Variants in SCFD2 observed in about 807,000 individuals in gnomAD.
SCFD2 encodes the protein sec1 family domain-containing protein 2.
A neutral mutation model predicts 58.9 loss-of-function variants in SCFD2; 54 were observed. The observed-to-expected ratio is 0.92, with a 90% confidence interval of 0.74 to 1.15. SCFD2 has a LOEUF of 1.15. Among genes scored for constraint, SCFD2 ranks in the 50% most tolerant of loss-of-function variants. SCFD2 has a pLI of 0.00. For synonymous variants in SCFD2, 321 were observed against 335.9 expected, an observed-to-expected ratio of 0.96 and a Z score of 0.49; for missense variants, 805 against 836.6, an observed-to-expected ratio of 0.96 and a Z score of 0.47.
At chr4:53,126,873 A>G (rs1560347361) in intron 5 of SCFD2, among the ~76,000 whole-genome samples, 3 of 151,506 alleles carry the variant, frequency 2.0e-5, no homozygotes, top group African/African-American at 4.8e-5. Flanking sequence ...ATCAGGTTGG[A>G]AAAAAAAACC....
intron 7 of SCFD2, among the ~76,000 whole-genome samples, chr4:52,892,077 G>A (rs1013461401): frequency 6.6e-6 from 1 of 152,358 alleles, no homozygotes; most frequent in Admixed American, 6.5e-5. Flanking sequence ...CTATAAGGCT[G>A]TCTCTCAGGC....
chr4:53,269,124 A>G (rs1316504470), intron 4 of SCFD2, among the ~76,000 whole-genome samples: 1 of 152,110 alleles, frequency 6.6e-6, no homozygotes, highest in Non-Finnish European at 1.5e-5. Flanking sequence ...GTTTGAGACC[A>G]GCCTGGGCAA....
chr4:53,238,140 C>T (rs1444885326), intron 4 of SCFD2, among the ~76,000 whole-genome samples: 3 of 134,902 alleles, frequency 2.2e-5, no homozygotes, highest in Admixed American at 1.4e-4. Flanking sequence ...GGCAGAGGTG[C>T]CCCTCACCTC....
intron 4 of SCFD2, among the ~76,000 whole-genome samples, chr4:53,249,489 C>G (rs1730265138): frequency 2.0e-5 from 3 of 152,076 alleles, no homozygotes; most frequent in Admixed American, 2.0e-4. Flanking sequence ...AGAGCAACTC[C>G]AAGACACATA....
intron 4 of SCFD2, among the ~76,000 whole-genome samples, chr4:53,177,855 A>G (rs1727392381): frequency 1.3e-5 from 2 of 152,164 alleles, no homozygotes; most frequent in Admixed American, 1.3e-4. Flanking sequence ...AGGAGATTAT[A>G]TCCTGCACCT....
chr4:53,087,815 C>A (rs147049078), intron 5 of SCFD2, among the ~76,000 whole-genome samples: 1,561 of 152,056 alleles, frequency 0.01, 10 homozygotes, highest in South Asian at 0.016. Flanking sequence ...CACCCACCAC[C>A]GTGCCCAGCT....
intron 4 of SCFD2, among the ~76,000 whole-genome samples, chr4:53,193,473 C>G (rs182032210): frequency 8.5e-5 from 13 of 152,262 alleles, no homozygotes; most frequent in Admixed American, 7.8e-4. Flanking sequence ...AATCTATGGA[C>G]TTCAGTAATT....
At chr4:53,197,066 A>G (rs1409202555) in intron 4 of SCFD2, among the ~76,000 whole-genome samples, 1 of 152,138 alleles carries the variant, frequency 6.6e-6, no homozygotes, top group African/African-American at 2.4e-5. Flanking sequence ...ACTAATTAAA[A>G]CAGAAACACA....
At chr4:53,320,751 A>T (rs535915948) in intron 2 of SCFD2, among the ~76,000 whole-genome samples, 10 of 152,340 alleles carry the variant, frequency 6.6e-5, no homozygotes, top group Non-Finnish European at 1.3e-4. Flanking sequence ...TTCTTTTATT[A>T]AACCTCTTTT....
chr4:53,086,796 T>A (rs1282592004), intron 5 of SCFD2, among the ~76,000 whole-genome samples: 1 of 152,188 alleles, frequency 6.6e-6, no homozygotes, highest in African/African-American at 2.4e-5. Flanking sequence ...ACAAACTTTG[T>A]AGGTTCTCAC....
intron 3 of SCFD2, among the ~76,000 whole-genome samples, chr4:53,284,604 C>T (rs1731608021): frequency 6.6e-6 from 1 of 152,042 alleles, no homozygotes; most frequent in Non-Finnish European, 1.5e-5. Context: ...ACTATTTGTA[C>T]AATGCGTTCA....
chr4:53,254,081 G>C (rs1404323871), intron 4 of SCFD2, among the ~76,000 whole-genome samples: 1 of 152,074 alleles, frequency 6.6e-6, no homozygotes, highest in Non-Finnish European at 1.5e-5. Context: ...AACACACACT[G>C]GGGCCTACCT....
intron 8 of SCFD2, 42 bp from the exon 9 acceptor site, chr4:52,874,103 G>A (rs1278240222): frequency 7.6e-7 from 1 of 1,312,208 alleles, no homozygotes; most frequent in Non-Finnish European, 1.1e-6. Flanking sequence ...GGAATTAGGG[G>A]GGCCAATCTC....
intron 4 of SCFD2, among the ~76,000 whole-genome samples, chr4:53,247,585 C>T (rs1318856655): frequency 6.6e-6 from 1 of 152,018 alleles, no homozygotes; most frequent in East Asian, 1.9e-4. Context: ...TCAGGCCGGG[C>T]GCGGTGGCTC....
At chr4:53,120,369 C>T (rs752238736) in intron 5 of SCFD2, among the ~76,000 whole-genome samples, 3 of 152,116 alleles carry the variant, frequency 2.0e-5, no homozygotes, top group Non-Finnish European at 4.4e-5. Context: ...TACTGGGATA[C>T]TCATTTTGCA....
chr4:52,889,181 G>A (rs936868700), intron 7 of SCFD2, among the ~76,000 whole-genome samples: 4 of 152,070 alleles, frequency 2.6e-5, no homozygotes, highest in African/African-American at 7.2e-5. Context: ...CTCCCCATCC[G>A]CAGTTTGGCC....
intron 3 of SCFD2, among the ~76,000 whole-genome samples, chr4:53,308,523 A>G (rs1191629274): frequency 6.6e-6 from 1 of 152,090 alleles, no homozygotes; most frequent in Admixed American, 6.6e-5. Flanking sequence ...TTATACACAC[A>G]TAACAAAGAG....
chr4:52,995,424 G>A (rs1394696821), intron 5 of SCFD2, among the ~76,000 whole-genome samples: 10 of 152,174 alleles, frequency 6.6e-5, no homozygotes, highest in Non-Finnish European at 1.3e-4. Flanking sequence ...GTGGACCAGT[G>A]TCAGTCCGTG....
chr4:53,130,646 T>G (rs1342763161), intron 5 of SCFD2, among the ~76,000 whole-genome samples: 1 of 152,054 alleles, frequency 6.6e-6, no homozygotes, highest in Non-Finnish European at 1.5e-5. Context: ...GGGTATCCCA[T>G]CCCCCTGGCA....
Sources: allele counts gnomAD v4.1 joint callset (sites outside exome capture counted in the v4.1 genomes callset), GRCh38; gene constraint gnomAD v4.1.1; transcripts MANE v1.5; gene names NCBI Gene and HGNC (gene_info 2026-07-23, HGNC 2026-07-21).